SQSTM1: variants seen among roughly 807,000 people sequenced by gnomAD.
SQSTM1 encodes sequestosome 1.
SQSTM1 carries 36 observed loss-of-function variants against 45.1 expected under a neutral mutation model. The ratio of observed to expected loss-of-function variants is 0.80; its 90% CI spans 0.61 to 1.05. The LOEUF is 1.05. Ranked by LOEUF, SQSTM1 falls within the 50% of genes least tolerant of loss-of-function variation. SQSTM1 has a pLI of 0.00. For missense variants in SQSTM1, 617 were observed against 607.1 expected (o/e 1.02, Z -0.17); for synonymous variants, 290 against 244.3 (o/e 1.19, Z -1.74).
intron 5 of SQSTM1, among the ~76,000 whole-genome samples, chr5:179,830,465 T>C (rs1225098342): frequency 6.6e-6 from 1 of 152,094 alleles, no homozygotes; most frequent in Non-Finnish European, 1.5e-5. Context: ...TACAGTTGTC[T>C]TCATCTCGTG....
intron 1 of SQSTM1, among the ~76,000 whole-genome samples, chr5:179,808,978 C>T (rs944817067): frequency 1.3e-5 from 2 of 151,358 alleles, no homozygotes; most frequent in South Asian, 2.1e-4. Context: ...CTGCCTCAGC[C>T]TCCCGAGTAG....
intron 1 of SQSTM1, among the ~76,000 whole-genome samples, chr5:179,809,845 T>C (rs1342530284): frequency 6.6e-6 from 1 of 151,650 alleles, no homozygotes; most frequent in African/African-American, 2.4e-5. Context: ...GGTTTCACCA[T>C]GTTGGTCAGG....
At chr5:179,829,990 G>A (rs1435834241) in intron 5 of SQSTM1, among the ~76,000 whole-genome samples, 1 of 152,102 alleles carries the variant, frequency 6.6e-6, no homozygotes, top group African/African-American at 2.4e-5. Flanking sequence ...TGTACTTATG[G>A]CCCCAGCTAC....
At chr5:179,817,655 G>GC (rs1175217228), upstream of SQSTM1, among the ~76,000 whole-genome samples, 2 of 152,180 alleles carry the variant, frequency 1.3e-5, no homozygotes, top group Non-Finnish European at 2.9e-5. Context: ...TTGTGGGCGT[G>GC]CCCCTCCCAT....
chr5:179,830,108 C>CAAACA (rs1001660484), intron 5 of SQSTM1, among the ~76,000 whole-genome samples: 16 of 145,420 alleles, frequency 1.1e-4, no homozygotes, highest in African/African-American at 1.5e-4. Flanking sequence ...GACCTTGTCT[C>CAAACA]AAACAAAACA....
rs529012047 is a variant in SQSTM1, at chr5:179,835,655, C to T, written c.1166-781C>T. 2.8e-3 allele frequency: 426 copies of T among 152,860 alleles called. 3 individuals are homozygous for T. The highest frequency in any genetic ancestry group is 5.2e-3 in the Non-Finnish European group (357 of 69,250). The allele number at this position is 152,860 out of a possible 1,614,324, so 9.5% of individuals were successfully genotyped here. On this transcript the variant is annotated intron_variant, in intron 7 of 7. Coordinates refer to ENST00000389805, the MANE Select transcript of SQSTM1 (RefSeq NM_003900.5). ...GCAGCAGTACAGTCCAGCTTTGGCT[C>T]GGCATCAGAGGGAGACCGTGGAGAA...
intron 5 of SQSTM1, among the ~76,000 whole-genome samples, chr5:179,831,654 ACT>A (rs1758225846): frequency 1.3e-5 from 2 of 152,106 alleles, no homozygotes; most frequent in Non-Finnish European, 1.5e-5. Flanking sequence ...ACAGAGCGAG[ACT>A]CTGTCTACAA....
intron 1 of SQSTM1, chr5:179,821,425 C>T (rs1003365799): frequency 8.9e-5 from 54 of 609,960 alleles, no homozygotes; most frequent in Non-Finnish European, 1.4e-4. Flanking sequence ...GCGTCAGACG[C>T]CCCGCTCCAC....
chr5:179,817,443 C>T (rs1011654963), upstream of SQSTM1, among the ~76,000 whole-genome samples: 2 of 152,232 alleles, frequency 1.3e-5, no homozygotes, highest in African/African-American at 2.4e-5. Flanking sequence ...CAGGGTCTCG[C>T]CCCCGTCCCG....
Position 179,806,445 on chromosome 5 carries a change from C to CCCAGATGCG in SQSTM1, c.-299_-298insATGCGCCAG, listed in dbSNP as rs1562626254. The CCCAGATGCG allele has an allele frequency of 1.7e-6, 2 of 1,182,024 alleles. No homozygotes were observed. Among genetic ancestry groups the CCCAGATGCG allele is most frequent in the South Asian group, 4.6e-5 (2 of 43,114 alleles). The allele number at this position is 1,182,024 out of a possible 1,614,324, so 73.2% of individuals were successfully genotyped here. A position where few individuals can be genotyped will look rare whatever the true frequency, so the allele number is the denominator to read the frequency against. ...GCCGGGCCCGCTCCCGCCGCCGACG[C>CCCAGATGCG]CCAGGTGCGCCAGGTGCGGGCCGGG... On this transcript the variant is annotated 5_prime_UTR_variant, in exon 1 of 6. Transcript: ENST00000514093. The surrounding 1 kb of genome is among the most constrained non-coding windows in gnomAD (Gnocchi z 4.6).
intron 1 of SQSTM1, among the ~76,000 whole-genome samples, chr5:179,809,227 C>T (rs866753831): frequency 1.5e-5 from 2 of 136,606 alleles, no homozygotes; most frequent in African/African-American, 5.5e-5. Context: ...GGCACCATCT[C>T]GGCTCACTGC....
intron 1 of SQSTM1, chr5:179,807,628 T>TTTG (rs1319594432): frequency 6.6e-6 from 1 of 152,562 alleles, no homozygotes; most frequent in Non-Finnish European, 1.5e-5. Context: ...TCATTGTTTT[T>TTTG]TTGTTGTTGT....
At chr5:179,835,109 G>T (rs542302249) in intron 7 of SQSTM1, 1 of 204,638 alleles carries the variant, frequency 4.9e-6, no homozygotes, top group Non-Finnish European at 1.0e-5. Context: ...AGGCAGAGGC[G>T]CTCCTCACAT....
rs1758339171 is a variant in SQSTM1, at chr5:179,833,400, CT to C, written c.969+155del. ...TGATGTCTGTGCCATTAAAGTCACG[CT>C]GGGAACCTGCTAGAACTTTGTAGTT... is the stretch of plus-strand genomic sequence containing the variant. On this transcript the variant is annotated intron_variant, in intron 6 of 7. Transcript: ENST00000389805. 4 of 999,530 alleles carry C rather than the reference CT, an allele frequency of 4.0e-6. No individual in the cohort carries two copies. In the Admixed American group the frequency reaches 8.0e-5, roughly 20 times the overall value. The allele number at this position is 999,530 out of a possible 1,614,324, so 61.9% of individuals were successfully genotyped here.
Position 179,825,219 on chromosome 5 carries a change from C to A in SQSTM1, c.747C>A (p.Ser249Arg). The change falls in exon 5 of 8, where the codon AGC becomes AGA. Residue 249 changes from serine to arginine, a missense_variant. Coordinates refer to ENST00000389805, the MANE Select transcript of SQSTM1 (RefSeq NM_003900.5). ...NVGESVAAAL[S>R]PLGIEVDIDV... ...GGGAGAGTGTGGCAGCTGCCCTTAG[C>A]CCTCTGGGTGAGTGCACCTCCTTGC... is the stretch of plus-strand genomic sequence containing the variant. The A allele has an allele frequency of 6.2e-7, 1 of 1,613,750 alleles. No homozygotes were observed. The highest frequency in any genetic ancestry group is 8.5e-7 in the Non-Finnish European group (1 of 1,179,910).
At chr5:179,827,899 G>A (rs1758060768) in intron 5 of SQSTM1, among the ~76,000 whole-genome samples, 3 of 152,174 alleles carry the variant, frequency 2.0e-5, no homozygotes, top group African/African-American at 7.2e-5. Context: ...TGTAGGGTAA[G>A]CGGCAGCTTT....
chr5:179,833,385 G>A lies in SQSTM1; in HGVS notation c.969+139G>A, dbSNP rs1037886517. On this transcript the variant is annotated intron_variant, in intron 6 of 7. Coordinates refer to ENST00000389805, the MANE Select transcript of SQSTM1 (RefSeq NM_003900.5). ...CTGCTGCTGCTGCAGTGATGTCTGT[G>A]CCATTAAAGTCACGCTGGGAACCTG... 67 of 1,031,034 alleles carry A rather than the reference G, an allele frequency of 6.5e-5. No individual in the cohort carries two copies. The Admixed American group carries it at 1.3e-3, about 20-fold the overall frequency. 63.9% of individuals were successfully genotyped at this position (1,031,034 alleles called of 1,614,324 possible).
At chr5:179,835,521 C>CA (rs908048487) in intron 7 of SQSTM1, 23 of 157,958 alleles carry the variant, frequency 1.5e-4, no homozygotes, top group Admixed American at 1.9e-4. Context: ...CCGTCTCCAC[C>CA]AAAAAAACAC....
Position 179,837,867 on chromosome 5 carries a change from A to C in SQSTM1, c.*1274A>C. 2.5e-6 allele frequency: 4 copies of C among 1,606,832 alleles called. No individual in the cohort carries two copies. Among genetic ancestry groups the C allele is most frequent in the Non-Finnish European group, 3.4e-6 (4 of 1,179,512 alleles). ...GGGCTGCTGCCTTGTTTCACCTTCC[A>C]TGTCAGGCCAGCCTGTCCCTGAAAG... On this transcript the variant is annotated 3_prime_UTR_variant, in exon 8 of 8. Transcript: ENST00000389805.
Sources: gnomAD v4.1 joint callset for allele counts (sites outside exome capture counted in the v4.1 genomes callset) on GRCh38, gnomAD v4.1.1 for gene constraint, Gnocchi (gnomAD v3.1) non-coding constraint, MANE v1.5 for transcripts, NCBI Gene and HGNC (gene_info 2026-07-23, HGNC 2026-07-21) for gene names.